Variants in KCTD1 observed in about 807,000 individuals in gnomAD.
KCTD1 encodes BTB/POZ domain-containing protein KCTD1.
KCTD1 carries 24 observed loss-of-function variants against 66.0 expected under a neutral mutation model. The observed-to-expected ratio is 0.36, with a 90% CI of 0.26 to 0.51. The LOEUF is 0.51. KCTD1 is among the 20% of genes least tolerant of loss of function. The probability of loss-of-function intolerance (pLI) is 0.95; values close to 1 mark genes in which losing one functional copy is unlikely to be tolerated. For synonymous variants in KCTD1, 511 were observed against 517.2 expected (o/e 0.99, Z 0.16); for missense variants, 943 against 1,205.2 (o/e 0.78, Z 3.22).
At chr18:26,620,080 G>A (rs908861212) in intron 1 of KCTD1, among the ~76,000 whole-genome samples, 4 of 152,028 alleles carry the variant, frequency 2.6e-5, no homozygotes, top group Admixed American at 6.5e-5. Flanking sequence ...TGAACTCCTC[G>A]AGGGCAGAGA....
intron 3 of KCTD1, among the ~76,000 whole-genome samples, chr18:26,472,627 A>T (rs1981129843): frequency 6.6e-6 from 1 of 152,040 alleles, no homozygotes; most frequent in Non-Finnish European, 1.5e-5. Context: ...CCTTCTCTCT[A>T]CATGAGCTTA....
intron 1 of KCTD1, among the ~76,000 whole-genome samples, chr18:26,578,625 G>C (rs1986284123): frequency 6.6e-6 from 1 of 152,058 alleles, no homozygotes; most frequent in South Asian, 2.1e-4. Context: ...GCAGACTCTG[G>C]GCTCTAACCC....
chr18:26,547,657 T>A lies in KCTD1; in HGVS notation c.880A>T (p.Thr294Ser). 1.3e-6 allele frequency: 2 copies of A among 1,551,508 alleles called. No individual in the cohort carries two copies. The highest frequency in any genetic ancestry group is 1.7e-6 in the Non-Finnish European group (2 of 1,146,984). ...GTGTTGGTGCTGAAGACGCTGGAGG[T>A]GTACAGCTTGCGCAGGTCGGCGCGC... ...ITRADLRKLY[T>S]SSVFSTNTPF... Residue 294 changes from threonine to serine, a missense_variant, in exon 1 of 5, where the codon ACC becomes TCC. This residue lies in a region of KCTD1 where 61 missense variants were observed against 109.6 expected (regional missense o/e 0.56). Transcript: ENST00000580059.
At chr18:26,499,369 A>C (rs1175706021) in intron 2 of KCTD1, among the ~76,000 whole-genome samples, 1 of 152,240 alleles carries the variant, frequency 6.6e-6, no homozygotes, top group African/African-American at 2.4e-5. Flanking sequence ...TAAAGCCATT[A>C]TTATAATATG....
chr18:26,518,370 G>A (rs530861360), intron 1 of KCTD1, among the ~76,000 whole-genome samples: 3 of 151,808 alleles, frequency 2.0e-5, no homozygotes, highest in East Asian at 1.9e-4. Context: ...GGGTTCAAGC[G>A]ATTCTCCTGC....
chr18:26,515,964 A>T (rs1368274823), intron 1 of KCTD1, among the ~76,000 whole-genome samples: 1 of 152,202 alleles, frequency 6.6e-6, no homozygotes, highest in African/African-American at 2.4e-5. Context: ...GACACAGTAT[A>T]TAATGCCAAG....
At chr18:26,614,395 C>A (rs1361917520) in intron 1 of KCTD1, among the ~76,000 whole-genome samples, 1 of 152,150 alleles carries the variant, frequency 6.6e-6, no homozygotes, top group African/African-American at 2.4e-5. Context: ...TGCTCCAAAG[C>A]AAAAGAATGG....
chr18:26,584,659 G>A (rs1986432631), intron 1 of KCTD1, among the ~76,000 whole-genome samples: 1 of 152,292 alleles, frequency 6.6e-6, no homozygotes, highest in East Asian at 1.9e-4. Context: ...TTTAGTGCAA[G>A]AGGAATATGA....
At chr18:26,635,043 A>T (rs899600883) in intron 1 of KCTD1, among the ~76,000 whole-genome samples, 2 of 152,256 alleles carry the variant, frequency 1.3e-5, no homozygotes, top group African/African-American at 4.8e-5. Context: ...AAAAATTTTA[A>T]TGTAATTCCA....
intron 2 of KCTD1, among the ~76,000 whole-genome samples, chr18:26,492,942 C>T (rs1386350459): frequency 6.6e-6 from 1 of 152,186 alleles, no homozygotes; most frequent in Non-Finnish European, 1.5e-5. Flanking sequence ...ATTTGAATAA[C>T]GTTACTCAAT....
intron 2 of KCTD1, among the ~76,000 whole-genome samples, chr18:26,481,288 C>T (rs1981635234): frequency 1.3e-5 from 2 of 152,062 alleles, no homozygotes; most frequent in South Asian, 4.2e-4. Flanking sequence ...CCTGGCTCAC[C>T]TAACTCAATC....
chr18:26,513,197 C>G (rs1162111804), intron 1 of KCTD1, among the ~76,000 whole-genome samples: 1 of 151,232 alleles, frequency 6.6e-6, no homozygotes, highest in Admixed American at 6.6e-5. Flanking sequence ...ACGCCATTCT[C>G]CTGCCTCAGC....
rs76058565 is a variant in KCTD1 at position 26,638,792 on chromosome 18, C to T, written c.-107+1519G>A. On this transcript the variant is annotated intron_variant, in intron 1 of 5. Coordinates refer to the KCTD1 transcript ENST00000579973. ...AACTGCCTCTTTCCTGACTTTCTGA[C>T]CTCTGCACATTATTCATTTTGCATA... Among the ~76,000 whole-genome samples the T allele has an allele frequency of 9.0e-3, 1,378 of 152,332 alleles. 25 individuals carry two copies. The highest frequency in any genetic ancestry group is 0.031 in the African/African-American group (1,287 of 41,570).
rs778646928 is a variant in KCTD1, at chr18:26,501,291, C to G, written c.1810-41G>C. 159 of 1,540,030 alleles carry G rather than the reference C, an allele frequency of 1.0e-4. 2 individuals carry two copies. The South Asian group carries it at 1.1e-3, about 11-fold the overall frequency. On this transcript the variant is annotated intron_variant, in intron 1 of 4. Transcript: ENST00000580059. ...CAAGTTTAGATACTTTTTCTCTTTA[C>G]AGTAGAAAGATAGGAAATACATATA...
intron 1 of KCTD1, among the ~76,000 whole-genome samples, chr18:26,558,904 C>T (rs547139091): frequency 1.1e-4 from 17 of 150,070 alleles, no homozygotes; most frequent in Non-Finnish European, 2.5e-4. Flanking sequence ...GCCTGGGTGA[C>T]AGAGCAAGAC....
At chr18:26,585,702 A>G (rs1986457278) in intron 1 of KCTD1, among the ~76,000 whole-genome samples, 2 of 152,248 alleles carry the variant, frequency 1.3e-5, no homozygotes, top group South Asian at 4.1e-4. Flanking sequence ...TTATTGAATT[A>G]CTCTGTGTGA....
Position 26,496,739 on chromosome 18 carries a change from T to TGC in KCTD1, c.1988+4331_1988+4332dup, listed in dbSNP as rs1404505397. Among the ~76,000 whole-genome samples, 12 of 113,526 alleles carry TGC rather than the reference T, an allele frequency of 1.1e-4. No individual in the cohort carries two copies. In the East Asian group the frequency reaches 1.1e-3, roughly 11 times the overall value. 74.5% of individuals were successfully genotyped at this position (113,526 alleles called of 152,430 possible). On this transcript the variant is annotated intron_variant, in intron 2 of 4. Coordinates refer to ENST00000580059, the MANE Select transcript of KCTD1 (RefSeq NM_001142730.3). ...GGTTTACAAGCTAAAAAAAAGCATG[T>TGC]GCACACACACACACACACACACACA...
At chr18:26,569,939 C>A (rs779401816) in intron 1 of KCTD1, among the ~76,000 whole-genome samples, 1 of 152,114 alleles carries the variant, frequency 6.6e-6, no homozygotes, top group African/African-American at 2.4e-5. Context: ...GTAATCCAAG[C>A]ACTTTGGGAG....
chr18:26,481,030 A>G (rs1164088796), intron 2 of KCTD1, among the ~76,000 whole-genome samples: 2 of 152,174 alleles, frequency 1.3e-5, no homozygotes, highest in African/African-American at 4.8e-5. Flanking sequence ...TATGGACCTG[A>G]TATCTCTAAT....
Sources: allele counts gnomAD v4.1 joint callset (sites outside exome capture counted in the v4.1 genomes callset), GRCh38; gene constraint gnomAD v4.1.1; regional missense constraint gnomAD v4.1.1; transcripts MANE v1.5; gene names NCBI Gene and HGNC (gene_info 2026-07-23, HGNC 2026-07-21).